PAGE2B: variants seen among roughly 807,000 people sequenced by gnomAD.
PAGE2B encodes the protein PAGE family member 2B, also known as putative G antigen family E member 3.
Under a neutral mutation model 7.6 loss-of-function variants are expected in PAGE2B, and 5 were observed. That is an observed-to-expected ratio of 0.66 (90% CI 0.34 to 1.38). The LOEUF (loss-of-function observed/expected upper bound fraction) is 1.38. Ranked by LOEUF, PAGE2B falls within the 40% of genes most tolerant of loss-of-function variation. The pLI, the probability that PAGE2B is intolerant of heterozygous loss-of-function variation, is 0.04. For synonymous variants in PAGE2B, 29 were observed against 26.7 expected (o/e 1.09, Z -0.27); for missense variants, 70 against 78.4 (o/e 0.89, Z 0.41).
chrX:55,072,191 T>A (rs1936456556), upstream of PAGE2B, among the ~76,000 whole-genome samples: 1 of 112,407 alleles, frequency 8.9e-6, no homozygotes, highest in Admixed American at 9.4e-5. Flanking sequence ...GCACTGGTTT[T>A]TCCTCATCTT....
At chrX:55,045,671 T>G in the PAGE2B span, among the ~76,000 whole-genome samples, 2 of 110,935 alleles carry the variant, frequency 1.8e-5, no homozygotes, top group Admixed American at 1.9e-4. Flanking sequence ...CCTAAGAGGA[T>G]GGAAATCCTC....
the PAGE2B span, among the ~76,000 whole-genome samples, chrX:55,064,080 T>A: frequency 9.0e-6 from 1 of 111,442 alleles, no homozygotes; most frequent in Admixed American, 9.6e-5. Context: ...GTAGAATGAG[T>A]TTAGAAGTAT....
chrX:55,077,918 G>GTA (rs1355983968), intron 4 of PAGE2B, among the ~76,000 whole-genome samples: 71 of 102,691 alleles, frequency 6.9e-4, no homozygotes, highest in African/African-American at 2.1e-3. Context: ...TTTACAATGT[G>GTA]TATATATATA....
At chrX:55,069,828 G>A in the PAGE2B span, among the ~76,000 whole-genome samples, 232 of 111,604 alleles carry the variant, frequency 2.1e-3, no homozygotes, top group Non-Finnish European at 3.5e-3. Flanking sequence ...GTTTATTTGC[G>A]TAGAGGTGTT....
the PAGE2B span, among the ~76,000 whole-genome samples, chrX:55,057,056 C>T: frequency 9.0e-6 from 1 of 111,443 alleles, no homozygotes; most frequent in Non-Finnish European, 1.9e-5. Flanking sequence ...TAGGAGCATA[C>T]ACAGGTGGGA....
the PAGE2B span, among the ~76,000 whole-genome samples, chrX:55,037,487 A>G: frequency 9.0e-6 from 1 of 111,282 alleles, no homozygotes; most frequent in Non-Finnish European, 1.9e-5. Context: ...TGTGGAAGTC[A>G]GTGTGGCGAT....
At chrX:55,066,845 C>T in the PAGE2B span, among the ~76,000 whole-genome samples, 3 of 111,122 alleles carry the variant, frequency 2.7e-5, no homozygotes, top group African/African-American at 9.8e-5. Flanking sequence ...TTGGGAAGTT[C>T]TTTGATATTA....
chrX:55,057,016 T>C, the PAGE2B span, among the ~76,000 whole-genome samples: 2 of 111,397 alleles, frequency 1.8e-5, no homozygotes, highest in East Asian at 2.8e-4. Context: ...TAGTACCAAA[T>C]TGATGCAGAG....
the PAGE2B span, among the ~76,000 whole-genome samples, chrX:55,035,268 A>G: frequency 2.7e-5 from 3 of 112,192 alleles, no homozygotes; most frequent in Non-Finnish European, 5.6e-5. Context: ...TTGGTAAAGA[A>G]GAATGTGTTT....
chrX:55,031,802 ACT>A, the PAGE2B span, among the ~76,000 whole-genome samples: 5 of 109,648 alleles, frequency 4.6e-5, no homozygotes, highest in African/African-American at 6.7e-5. Flanking sequence ...CCCTTTTGTC[ACT>A]CTCTTTTTCC....
chrX:55,039,188 A>G, the PAGE2B span, among the ~76,000 whole-genome samples: 1 of 110,892 alleles, frequency 9.0e-6, no homozygotes, highest in African/African-American at 3.3e-5. Flanking sequence ...GCAGAGAATT[A>G]TATTTTTGGA....
chrX:55,074,384 T>C (rs1431045458), upstream of PAGE2B, among the ~76,000 whole-genome samples: 2 of 111,903 alleles, frequency 1.8e-5, no homozygotes, highest in African/African-American at 3.3e-5. Flanking sequence ...GCTACAGCAA[T>C]TAAAATAGTG....
chrX:55,037,157 C>A, the PAGE2B span, among the ~76,000 whole-genome samples: 2 of 111,698 alleles, frequency 1.8e-5, no homozygotes, highest in African/African-American at 6.5e-5. Context: ...ACTCATCTGA[C>A]AAAGGGCTAA....
intron 1 of PAGE2B, among the ~76,000 whole-genome samples, chrX:55,075,527 G>A (rs1234790545): frequency 2.7e-5 from 3 of 111,049 alleles, no homozygotes; most frequent in Non-Finnish European, 3.8e-5. Flanking sequence ...TGGCCCCGAG[G>A]TCTGTAGAGT....
upstream of PAGE2B, among the ~76,000 whole-genome samples, chrX:55,073,564 C>T (rs1164685091): frequency 1.8e-5 from 2 of 112,000 alleles, no homozygotes; most frequent in East Asian, 2.8e-4. Flanking sequence ...CTTCTAATTC[C>T]GTGAAGAATG....
the PAGE2B span, among the ~76,000 whole-genome samples, chrX:55,047,264 T>A: frequency 2.7e-5 from 3 of 111,969 alleles, no homozygotes; most frequent in Non-Finnish European, 5.6e-5. Context: ...GAACTCATCA[T>A]TTTTTATGGC....
the PAGE2B span, among the ~76,000 whole-genome samples, chrX:55,046,629 C>T: frequency 8.9e-6 from 1 of 112,189 alleles, no homozygotes; most frequent in African/African-American, 3.2e-5. Flanking sequence ...AGGTAAGACA[C>T]AGGACATAAG....
rs1254142656 is a variant in PAGE2B, at chrX:55,076,116, A to G, written c.75A>G (p.Gly25=). 8.3e-7 allele frequency: 1 copy of G among 1,205,849 alleles called. No homozygotes were observed. Among genetic ancestry groups the G allele is most frequent in the Non-Finnish European group, 1.1e-6 (1 of 891,449 alleles). The change falls in exon 2 of 5, where the codon GGA becomes GGG. Residue 25 remains glycine (G), a synonymous_variant. Transcript: ENST00000374971. ...ACCAAGAGTCTTCCCAGCCAGTTGGATCTGTGATTGTGAGTCCTTTAACAT... is the reference window on the plus strand; with the variant it reads ...ACCAAGAGTCTTCCCAGCCAGTTGGGTCTGTGATTGTGAGTCCTTTAACAT... ...GNDQESSQPV[G]SVIVQEPTEE... is the part of the protein sequence containing the mutation.
upstream of PAGE2B, among the ~76,000 whole-genome samples, chrX:55,070,316 C>G (rs908812831): frequency 3.3e-4 from 37 of 111,881 alleles, no homozygotes; most frequent in Non-Finnish European, 4.9e-4. Flanking sequence ...TCAGGAGCAG[C>G]TTGTTCAGTT....
Sources: gnomAD v4.1 joint callset for allele counts (sites outside exome capture counted in the v4.1 genomes callset) on GRCh38, gnomAD v4.1.1 for gene constraint, MANE v1.5 for transcripts, NCBI Gene and HGNC (gene_info 2026-07-23, HGNC 2026-07-21) for gene names.